The following PTPRD variants were observed in gnomAD, a reference collection of about 807,000 sequenced individuals.
PTPRD encodes the protein protein tyrosine phosphatase receptor type D.
A neutral mutation model predicts 214.5 loss-of-function variants in PTPRD; 34 were observed. The observed-to-expected ratio is 0.16, with a 90% CI of 0.12 to 0.21. The LOEUF (loss-of-function observed/expected upper bound fraction) is 0.21, where lower values mean the gene tolerates loss of function less well. Among genes scored for constraint, PTPRD ranks in the 10% least tolerant of loss-of-function variants. The pLI, the probability that PTPRD is intolerant of heterozygous loss-of-function variation, is 1.00. For synonymous variants in PTPRD, 1,128 were observed against 845.7 expected (o/e 1.33, Z -5.79); for missense variants, 2,545 against 2,398.7 (o/e 1.06, Z -1.27).
chr9:8,584,284 G>A (rs995691475), intron 14 of PTPRD, among the ~76,000 whole-genome samples: 4 of 152,016 alleles, frequency 2.6e-5, no homozygotes, highest in African/African-American at 9.7e-5. Context: ...AGTCATCAAT[G>A]AGAAAAGAAA....
chr9:8,757,135 C>A (rs1325380252), intron 11 of PTPRD, among the ~76,000 whole-genome samples: 1 of 152,032 alleles, frequency 6.6e-6, no homozygotes, highest in East Asian at 1.9e-4. Flanking sequence ...GAGTGAGACT[C>A]CATCTCAAAA....
At chr9:10,509,626 C>T (rs1407406) in intron 2 of PTPRD, among the ~76,000 whole-genome samples, 47,578 of 139,498 alleles carry the variant, frequency 0.34, 8,399 homozygotes, top group Middle Eastern at 0.45. Flanking sequence ...TCTCCAGGTA[C>T]ATTTGGCGTT....
chr9:10,152,655 A>G (rs2099068581), intron 3 of PTPRD, among the ~76,000 whole-genome samples: 1 of 152,070 alleles, frequency 6.6e-6, no homozygotes, highest in African/African-American at 2.4e-5. Context: ...GAGAAACCTC[A>G]CCTCTACTAA....
chr9:10,052,750 G>A (rs1012219468), intron 3 of PTPRD, among the ~76,000 whole-genome samples: 1 of 151,814 alleles, frequency 6.6e-6, no homozygotes, highest in Non-Finnish European at 1.5e-5. Context: ...TCTTTCTATC[G>A]AAATTCTTTC....
intron 6 of PTPRD, among the ~76,000 whole-genome samples, chr9:9,745,338 T>C (rs963395341): frequency 6.6e-6 from 1 of 152,068 alleles, no homozygotes; most frequent in East Asian, 1.9e-4. Flanking sequence ...TTCTGACTAC[T>C]TTTTTTGTTA....
At chr9:9,357,524 C>G (rs747078062) in intron 9 of PTPRD, among the ~76,000 whole-genome samples, 3 of 150,766 alleles carry the variant, frequency 2.0e-5, no homozygotes, top group Non-Finnish European at 3.0e-5. Flanking sequence ...ATATAAGGTC[C>G]CTTTGCAGCT....
Position 10,036,703 on chromosome 9 carries a change from G to A in PTPRD, c.-544-2913C>T, listed in dbSNP as rs1044070060. Among the ~76,000 whole-genome samples, 3 of 151,858 alleles carry A rather than the reference G, an allele frequency of 2.0e-5. No homozygotes were observed. In the South Asian group the frequency reaches 6.2e-4, roughly 32 times the overall value. On this transcript the variant is annotated intron_variant, in intron 3 of 45. Transcript: ENST00000381196. ...GGGTTCAAGTGATTCTCCTACCTCA[G>A]CCTCCCAAGAAGCTGGATTACAGGC...
intron 33 of PTPRD, among the ~76,000 whole-genome samples, chr9:8,450,366 G>A (rs2095888280): frequency 6.6e-6 from 1 of 152,088 alleles, no homozygotes; most frequent in Non-Finnish European, 1.5e-5. Context: ...TTTTTAAGAT[G>A]CCAAGTTATC....
chr9:10,127,036 G>A (rs1193517071), intron 3 of PTPRD, among the ~76,000 whole-genome samples: 3 of 151,574 alleles, frequency 2.0e-5, no homozygotes, highest in African/African-American at 7.3e-5. Flanking sequence ...CCTCTTCAGG[G>A]AAAGCAAGGG....
At position 9,718,648 on chromosome 9, in the gene PTPRD, G is replaced by T. The variant is rs546917431; in HGVS notation, c.-287+15885C>A. Among the ~76,000 whole-genome samples the T allele has an allele frequency of 1.2e-4, 19 of 152,334 alleles. 1 individual carries two copies. The South Asian group carries it at 3.9e-3, about 32-fold the overall frequency. On this transcript the variant is annotated intron_variant, in intron 7 of 45. Coordinates refer to ENST00000381196, the MANE Select transcript of PTPRD (RefSeq NM_002839.4). The stretch of plus-strand genomic sequence containing the variant: ...TCTCCCTGCTCCAAGCACCTGCTCT[G>T]TGGTGGAGCAAAGTTGTGGACATGT...
intron 2 of PTPRD, among the ~76,000 whole-genome samples, chr9:10,427,786 T>C (rs1240349816): frequency 6.6e-6 from 1 of 152,060 alleles, no homozygotes; most frequent in African/African-American, 2.4e-5. Flanking sequence ...TTTGTTAAAA[T>C]ATTTTGCATG....
intron 9 of PTPRD, among the ~76,000 whole-genome samples, chr9:9,249,144 T>C (rs1318652996): frequency 6.6e-6 from 1 of 151,972 alleles, no homozygotes; most frequent in Non-Finnish European, 1.5e-5. Flanking sequence ...GAGTTCTAGC[T>C]TTATTAGTTA....
At chr9:8,724,104 A>G (rs1043586485) in intron 12 of PTPRD, among the ~76,000 whole-genome samples, 6 of 152,226 alleles carry the variant, frequency 3.9e-5, no homozygotes, top group Non-Finnish European at 7.3e-5. Context: ...TTTTTAACAG[A>G]TATTAACAAA....
chr9:10,587,584 T>G (rs926990175), intron 2 of PTPRD, among the ~76,000 whole-genome samples: 2 of 152,034 alleles, frequency 1.3e-5, no homozygotes, highest in East Asian at 3.9e-4. Context: ...TGATCCAGAT[T>G]ATTGCATTTC....
At chr9:9,198,824 C>T (rs1364403075) in intron 9 of PTPRD, among the ~76,000 whole-genome samples, 1 of 152,064 alleles carries the variant, frequency 6.6e-6, no homozygotes, top group Non-Finnish European at 1.5e-5. Flanking sequence ...TATAGTATAT[C>T]TTCAAATAAG....
chr9:9,111,981 T>C (rs1554803153), intron 10 of PTPRD, among the ~76,000 whole-genome samples: 1 of 152,138 alleles, frequency 6.6e-6, no homozygotes, highest in Non-Finnish European at 1.5e-5. Context: ...GTCCAGGCCA[T>C]TGCCATGGGG....
intron 8 of PTPRD, among the ~76,000 whole-genome samples, chr9:9,460,781 A>T (rs2093585999): frequency 6.6e-6 from 1 of 152,062 alleles, no homozygotes; most frequent in Non-Finnish European, 1.5e-5. Context: ...TAAAACAAAT[A>T]AAGATAAAAC....
intron 3 of PTPRD, among the ~76,000 whole-genome samples, chr9:10,051,405 C>T (rs1014294795): frequency 6.6e-6 from 1 of 151,940 alleles, no homozygotes; most frequent in African/African-American, 2.4e-5. Context: ...CAGTTTTTTC[C>T]TCCATGATAT....
At chr9:10,456,708 T>A (rs2131077971) in intron 2 of PTPRD, among the ~76,000 whole-genome samples, 1 of 151,826 alleles carries the variant, frequency 6.6e-6, no homozygotes, top group Middle Eastern at 3.4e-3. Flanking sequence ...CTTTTCTTAC[T>A]AACCATCTCT....
Sources: allele counts gnomAD v4.1 joint callset (sites outside exome capture counted in the v4.1 genomes callset), GRCh38; gene constraint gnomAD v4.1.1; transcripts MANE v1.5; gene names NCBI Gene and HGNC (gene_info 2026-07-23, HGNC 2026-07-21).